Variants in SVEP1 observed in about 807,000 individuals in gnomAD.
SVEP1 encodes sushi, von Willebrand factor type A, EGF and pentraxin domain containing 1, also known as sushi, von Willebrand factor type A, EGF and pentraxin domain-containing protein 1.
Under a neutral mutation model 367.3 loss-of-function variants are expected in SVEP1, and 164 were observed. The ratio of observed to expected loss-of-function variants is 0.45; its 90% CI spans 0.39 to 0.51. The LOEUF (loss-of-function observed/expected upper bound fraction) is 0.51. SVEP1 is among the 20% of genes least tolerant of loss of function. SVEP1 has a pLI of 0.00. For synonymous variants in SVEP1, 1,666 were observed against 1,611.6 expected, an observed-to-expected ratio of 1.03 and a Z score of -0.81; for missense variants, 4,117 against 4,425.3, an observed-to-expected ratio of 0.93 and a Z score of 1.98.
At position 110,564,209 on chromosome 9, in the gene SVEP1, G is replaced by T. The variant is rs76333629; in HGVS notation, c.532-14105C>A. On this transcript the variant is annotated intron_variant, in intron 1 of 47. Coordinates refer to ENST00000374469, the MANE Select transcript of SVEP1 (RefSeq NM_153366.4). ...CAGGTCAAACTGTTCTTCCAAAAGG[G>T]CACCAAATGCCAGGATGCATGCATA... Among the ~76,000 whole-genome samples, 1,255 of 152,276 alleles carry T rather than the reference G, an allele frequency of 8.2e-3. 20 individuals carry two copies. Among genetic ancestry groups the T allele is most frequent in the African/African-American group, 0.029 (1,201 of 41,560 alleles).
intron 6 of SVEP1, among the ~76,000 whole-genome samples, chr9:110,501,646 T>A (rs1442563735): frequency 2.0e-4 from 31 of 152,170 alleles, no homozygotes; most frequent in Admixed American, 2.0e-3. Flanking sequence ...CCAAATTTGA[T>A]AAGACTGTCT....
intron 1 of SVEP1, among the ~76,000 whole-genome samples, chr9:110,558,382 T>C (rs1471359476): frequency 1.3e-5 from 2 of 148,220 alleles, no homozygotes; most frequent in Non-Finnish European, 3.0e-5. Context: ...GTTATGGTGG[T>C]GCACACCTGT....
intron 39 of SVEP1, among the ~76,000 whole-genome samples, chr9:110,403,228 A>G (rs1015736655): frequency 6.9e-6 from 1 of 145,798 alleles, no homozygotes; most frequent in Non-Finnish European, 1.5e-5. Context: ...ATCTTATGGA[A>G]GTTAGGAGAA....
At chr9:110,367,364 A>G (rs937412596) in intron 47 of SVEP1, among the ~76,000 whole-genome samples, 4 of 151,160 alleles carry the variant, frequency 2.6e-5, no homozygotes, top group Non-Finnish European at 5.9e-5. Flanking sequence ...GGATCTTCCT[A>G]TGTTGCCCAG....
chr9:110,549,770 C>A, intron 2 of SVEP1, 79 bp downstream of exon 2: 1 of 1,542,460 alleles, frequency 6.5e-7, no homozygotes, highest in South Asian at 1.2e-5. Context: ...TGATATTACC[C>A]TCCCATGGGT....
chr9:110,391,605 AGATAAT>A (rs1827656612), intron 40 of SVEP1, among the ~76,000 whole-genome samples: 1 of 152,068 alleles, frequency 6.6e-6, no homozygotes, highest in Non-Finnish European at 1.5e-5. Flanking sequence ...AAGTATTAAT[AGATAAT>A]TAACCTTTAA....
chr9:110,577,927 CAA>C (rs1830645103), intron 1 of SVEP1, among the ~76,000 whole-genome samples: 1 of 152,040 alleles, frequency 6.6e-6, no homozygotes. Flanking sequence ...CTTAAATTGA[CAA>C]AGATATTAAA....
chr9:110,429,191 C>T lies in SVEP1; in HGVS notation c.5759G>A (p.Gly1920Glu). 1 of 1,599,218 alleles carries T rather than the reference C, an allele frequency of 6.3e-7. No individual in the cohort carries two copies. The highest frequency in any genetic ancestry group is 8.5e-7 in the Non-Finnish European group (1 of 1,172,344). ...TGATGCAGTAGAAAGGTAGGTAAGC[C>T]CACTCAAAATATATTTTCCATTATT... Reference protein sequence around the residue: ...NINNGKYILSGLTYLSTASYS... With the variant: ...NINNGKYILSELTYLSTASYS... The change falls in exon 35 of 48, where the codon GGG becomes GAG. Residue 1920 changes from glycine to glutamate, a missense_variant. This residue lies in a region of SVEP1 where 2,174 missense variants were observed against 2,494.3 expected (regional missense o/e 0.87). Transcript: ENST00000374469.
intron 9 of SVEP1, among the ~76,000 whole-genome samples, chr9:110,485,318 G>A (rs1450113210): frequency 1.3e-5 from 2 of 152,174 alleles, no homozygotes; most frequent in Admixed American, 1.3e-4. Context: ...ATTATCCTCA[G>A]CAAACTAATG....
intron 1 of SVEP1, among the ~76,000 whole-genome samples, chr9:110,563,904 C>A (rs917783554): frequency 1.3e-5 from 2 of 151,922 alleles, no homozygotes; most frequent in Non-Finnish European, 2.9e-5. Context: ...GTAATAAAAC[C>A]AAAAAAACAC....
intron 46 of SVEP1, among the ~76,000 whole-genome samples, chr9:110,374,959 G>GT (rs11428970): frequency 0.7 from 105,201 of 149,742 alleles, 37,732 homozygotes; most frequent in African/African-American, 0.81. Flanking sequence ...TGGATAAAGT[G>GT]TTTTTTTTTT....
intron 40 of SVEP1, among the ~76,000 whole-genome samples, chr9:110,399,712 T>G (rs1827826943): frequency 1.3e-5 from 2 of 152,022 alleles, no homozygotes. Context: ...TTCTGTATTT[T>G]TTGTGGAGAC....
intron 36 of SVEP1, among the ~76,000 whole-genome samples, chr9:110,415,808 A>G (rs1031453426): frequency 6.6e-6 from 1 of 152,058 alleles, no homozygotes; most frequent in Admixed American, 6.5e-5. Flanking sequence ...ATGAAGAGGA[A>G]ATTACAAACA....
intron 2 of SVEP1, among the ~76,000 whole-genome samples, chr9:110,546,525 C>T (rs879677946): frequency 4.6e-5 from 7 of 152,188 alleles, no homozygotes; most frequent in Non-Finnish European, 8.8e-5. Flanking sequence ...CATAAGTTCT[C>T]AAGGCCATTC....
In SVEP1 at chr9:110,411,590, C is replaced by A. The variant is rs1237832450; in HGVS notation, c.6121G>T (p.Asp2041Tyr). 1.2e-6 allele frequency: 2 copies of A among 1,613,928 alleles called. No individual in the cohort carries two copies. Among genetic ancestry groups the A allele is most frequent in the East Asian group, 2.2e-5 (1 of 44,880 alleles). ...TCAGAGCAGTAGTAGAATGCAATGT[C>A]TCCAAAGAGCCGATGGGCAGTCTCT... ...SPETAHRLFGDIAFYYCSDGY... is the reference protein window; with the variant it reads ...SPETAHRLFGYIAFYYCSDGY... The change falls in exon 37 of 48, where the codon GAC becomes TAC. Residue 2041 changes from aspartate to tyrosine, a missense_variant. By Grantham distance (160) the Asp-to-Tyr change is radical. Transcript: ENST00000374469.
chr9:110,392,677 T>A (rs1827683516), intron 40 of SVEP1, among the ~76,000 whole-genome samples: 1 of 152,200 alleles, frequency 6.6e-6, no homozygotes, highest in Admixed American at 6.5e-5. Flanking sequence ...TTCTTCCTCT[T>A]GAGTTGTCTG....
At chr9:110,485,007 G>T (rs532933691) in intron 9 of SVEP1, among the ~76,000 whole-genome samples, 14 of 152,164 alleles carry the variant, frequency 9.2e-5, no homozygotes, top group Non-Finnish European at 1.6e-4. Context: ...TAGTTCAACC[G>T]TTGTGGATGA....
intron 22 of SVEP1, 91 bp downstream of exon 22, chr9:110,455,499 G>A (rs1828764260): frequency 1.2e-6 from 1 of 864,398 alleles, no homozygotes; most frequent in Non-Finnish European, 1.7e-6. Context: ...TTCTATAAAT[G>A]TATCTTTGAC....
At chr9:110,505,561 G>A (rs1829611612) in intron 5 of SVEP1, among the ~76,000 whole-genome samples, 1 of 152,158 alleles carries the variant, frequency 6.6e-6, no homozygotes, top group South Asian at 2.1e-4. Flanking sequence ...TGGAGGTGAG[G>A]AGGTGTCTCT....
Sources: gnomAD v4.1 joint callset for allele counts (sites outside exome capture counted in the v4.1 genomes callset) on GRCh38, gnomAD v4.1.1 for gene constraint, gnomAD v4.1.1 regional missense constraint, MANE v1.5 for transcripts, NCBI Gene and HGNC (gene_info 2026-07-23, HGNC 2026-07-21) for gene names.